NBAS: variants seen among roughly 807,000 people sequenced by gnomAD.
The protein encoded by NBAS is NBAS subunit of NRZ tethering complex, also known as NAG/BC035112 fusion.
NBAS carries 219 observed loss-of-function variants against 302.5 expected under a neutral mutation model. The ratio of observed to expected loss-of-function variants is 0.72; its 90% confidence interval spans 0.65 to 0.81. The LOEUF (loss-of-function observed/expected upper bound fraction) is 0.81, where lower values mean the gene tolerates loss of function less well. Ranked by LOEUF, NBAS falls within the 30% of genes least tolerant of loss-of-function variation. NBAS has a pLI of 0.00. For synonymous variants in NBAS, 1,118 were observed against 1,021.6 expected (o/e 1.09, Z -1.80); for missense variants, 2,932 against 2,841.6 (o/e 1.03, Z -0.72).
At chr2:15,208,603 T>A (rs191527132) in intron 48 of NBAS, among the ~76,000 whole-genome samples, 2 of 152,300 alleles carry the variant, frequency 1.3e-5, no homozygotes, top group Non-Finnish European at 2.9e-5. Context: ...AGAATATACT[T>A]CTTTTCCTCA....
rs746692653 is a variant in NBAS at position 15,356,379 on chromosome 2, G to A, written c.3855C>T (p.Ile1285=). The change falls in exon 33 of 52, where the codon ATC becomes ATT. Residue 1285 remains isoleucine (I), a synonymous_variant. Transcript: ENST00000281513. Reference sequence around the variant, plus strand: ...AGCGAAGTGCCTGCTCCACTAAAAGGATTAGAACCTGTCCCCGCCTTTCTT... The same window carrying A: ...AGCGAAGTGCCTGCTCCACTAAAAGAATTAGAACCTGTCCCCGCCTTTCTT... ...NPEERRGQVL[I]LLVEQALRFH... The A allele has an allele frequency of 1.3e-5, 21 of 1,613,752 alleles. No homozygotes were observed. The East Asian group carries it at 4.7e-4, about 36-fold the overall frequency.
chr2:15,444,985 C>A (rs1196485937), intron 21 of NBAS, among the ~76,000 whole-genome samples: 3 of 148,872 alleles, frequency 2.0e-5, no homozygotes, highest in African/African-American at 7.4e-5. Context: ...GAGTGGCAAT[C>A]ATTAAAAAGT....
intron 11 of NBAS, among the ~76,000 whole-genome samples, chr2:15,499,388 A>G (rs1386380415): frequency 1.3e-5 from 2 of 152,252 alleles, no homozygotes; most frequent in Non-Finnish European, 2.9e-5. Flanking sequence ...GACTGAATAA[A>G]GAAAATGTGT....
intron 41 of NBAS, among the ~76,000 whole-genome samples, chr2:15,287,636 C>A (rs1396145544): frequency 6.7e-6 from 1 of 150,052 alleles, no homozygotes; most frequent in African/African-American, 2.5e-5. Context: ...ATGTGGGCAT[C>A]CCCCTGTAGG....
chr2:15,437,997 T>A (rs1678117089), intron 21 of NBAS, among the ~76,000 whole-genome samples: 1 of 152,078 alleles, frequency 6.6e-6, no homozygotes, highest in African/African-American at 2.4e-5. Context: ...TAGCACCAAC[T>A]CTCCCAAACA....
the NBAS span, among the ~76,000 whole-genome samples, chr2:14,807,638 A>G: frequency 1.3e-5 from 2 of 152,190 alleles, no homozygotes; most frequent in South Asian, 2.1e-4. Context: ...ACACTTATCT[A>G]TTTTAAAACA....
the NBAS span, among the ~76,000 whole-genome samples, chr2:15,103,012 G>GAAGGAAGGAAGC: frequency 2.2e-5 from 3 of 134,938 alleles, no homozygotes; most frequent in Admixed American, 7.6e-5. Flanking sequence ...AGGAAGGAAG[G>GAAGGAAGGAAGC]AAGGAAGGAA....
intron 42 of NBAS, among the ~76,000 whole-genome samples, chr2:15,281,955 G>A (rs1336379834): frequency 7.2e-5 from 11 of 152,126 alleles, no homozygotes; most frequent in Admixed American, 7.2e-4. Context: ...AGGATTTCTA[G>A]ATTTCTTCTT....
chr2:15,356,335 G>A lies in NBAS; in HGVS notation c.3899C>T (p.Ala1300Val). Residue 1300 changes from alanine (A) to valine (V), a missense_variant, in exon 33 of 52, where the codon GCC (alanine) becomes GTC (valine). Ala to Val is a moderately conservative substitution (Grantham distance 64). Coordinates refer to ENST00000281513, the MANE Select transcript of NBAS (RefSeq NM_015909.4). The stretch of plus-strand genomic sequence containing the variant: ...CATCAGCTCCTGACAATGCATACTG[G>A]CTGCTTTGTAGTCATGGAAGCGAAG... ...QALRFHDYKA[A>V]SMHCQELMAT... 1 of 1,613,770 alleles carries A rather than the reference G, an allele frequency of 6.2e-7. No homozygotes were observed. The highest frequency in any genetic ancestry group is 8.5e-7 in the Non-Finnish European group (1 of 1,179,740).
chr2:14,864,648 G>C, the NBAS span, among the ~76,000 whole-genome samples: 26 of 152,272 alleles, frequency 1.7e-4, no homozygotes, highest in Admixed American at 7.8e-4. Flanking sequence ...ACATGGACTC[G>C]AGGCTTTGGG....
At chr2:14,861,985 G>A in the NBAS span, among the ~76,000 whole-genome samples, 8 of 152,170 alleles carry the variant, frequency 5.3e-5, no homozygotes, top group African/African-American at 9.7e-5. Flanking sequence ...AATTAAGGCC[G>A]GTATCTGGAG....
chr2:15,209,519 A>G (rs545249677), intron 48 of NBAS, among the ~76,000 whole-genome samples: 21 of 152,244 alleles, frequency 1.4e-4, no homozygotes, highest in African/African-American at 5.1e-4. Flanking sequence ...TATCATTGAT[A>G]AATAAATACT....
At chr2:15,535,072 T>C (rs1457628717) in intron 8 of NBAS, among the ~76,000 whole-genome samples, 1 of 152,220 alleles carries the variant, frequency 6.6e-6, no homozygotes, top group Non-Finnish European at 1.5e-5. Context: ...ACTAGTGATG[T>C]ATGTAAAAAT....
chr2:15,276,545 CATAAAATATAATCA>C (rs1453798068), intron 43 of NBAS, among the ~76,000 whole-genome samples: 3 of 152,106 alleles, frequency 2.0e-5, no homozygotes, highest in Non-Finnish European at 4.4e-5. Flanking sequence ...CATTTATATA[CATAAAATATAATCA>C]ATGGGAGTAG....
the NBAS span, among the ~76,000 whole-genome samples, chr2:15,132,427 A>C: frequency 6.6e-6 from 1 of 152,180 alleles, no homozygotes; most frequent in Admixed American, 6.5e-5. Flanking sequence ...GGAGGAAGAA[A>C]TGAATAGGTG....
chr2:15,151,176 T>C, the NBAS span, among the ~76,000 whole-genome samples: 2 of 152,186 alleles, frequency 1.3e-5, no homozygotes, highest in Non-Finnish European at 2.9e-5. Flanking sequence ...TTTTTATCTG[T>C]GGAGGATTTA....
chr2:14,913,874 T>G, the NBAS span, among the ~76,000 whole-genome samples: 2 of 152,162 alleles, frequency 1.3e-5, no homozygotes, highest in African/African-American at 4.8e-5. Flanking sequence ...GATGAAGGGA[T>G]TTCAATCCTA....
chr2:15,159,551 T>C, the NBAS span, among the ~76,000 whole-genome samples: 22 of 151,600 alleles, frequency 1.5e-4, no homozygotes, highest in African/African-American at 4.9e-4. Flanking sequence ...GTTCTACTTA[T>C]GTGAAATACC....
chr2:15,393,890 T>A (rs1675736294), intron 28 of NBAS, among the ~76,000 whole-genome samples: 1 of 151,990 alleles, frequency 6.6e-6, no homozygotes, highest in Non-Finnish European at 1.5e-5. Flanking sequence ...TCTATAAAAT[T>A]CTAGGAAATG....
Sources: allele counts gnomAD v4.1 joint callset (sites outside exome capture counted in the v4.1 genomes callset), GRCh38; gene constraint gnomAD v4.1.1; transcripts MANE v1.5; gene names NCBI Gene and HGNC (gene_info 2026-07-23, HGNC 2026-07-21).